Variants in PCDHGA8 observed in about 807,000 individuals in gnomAD.
The protein encoded by PCDHGA8 is protocadherin gamma-A8.
A neutral mutation model predicts 59.2 loss-of-function variants in PCDHGA8; 45 were observed. The observed-to-expected ratio is 0.76, with a 90% CI of 0.60 to 0.98. PCDHGA8 has a LOEUF of 0.98. Among genes scored for constraint, PCDHGA8 ranks in the 50% least tolerant of loss-of-function variants. The pLI is 0.00. For synonymous variants in PCDHGA8, 531 were observed against 519.0 expected (o/e 1.02, Z -0.32); for missense variants, 1,257 against 1,196.2 (o/e 1.05, Z -0.75).
chr5:141,427,126 C>T (rs1216633922), intron 1 of PCDHGA8: 1 of 457,282 alleles, frequency 2.2e-6, no homozygotes, highest in Non-Finnish European at 4.4e-6. Context: ...TCTTTCAAAT[C>T]CCTACGAGAT....
chr5:141,426,451 C>T (rs561567196), intron 1 of PCDHGA8: 1 of 308,946 alleles, frequency 3.2e-6, no homozygotes, highest in Non-Finnish European at 6.4e-6. Flanking sequence ...GGACATGCGG[C>T]TGCATGTTCA....
chr5:141,504,130 C>T (rs1334901812), intron 2 of PCDHGA8, among the ~76,000 whole-genome samples: 1 of 152,154 alleles, frequency 6.6e-6, no homozygotes, highest in African/African-American at 2.4e-5. Flanking sequence ...TGTTTCCCGC[C>T]AACACTCCCC....
chr5:141,409,055 G>T (rs141881204), intron 1 of PCDHGA8: 10 of 1,614,038 alleles, frequency 6.2e-6, no homozygotes, highest in Non-Finnish European at 8.5e-6. Flanking sequence ...CCGAAGCACT[G>T]CCCAGAGCAC....
At chr5:141,414,861 T>C in intron 1 of PCDHGA8, 1 of 1,614,118 alleles carries the variant, frequency 6.2e-7, no homozygotes, top group Admixed American at 1.7e-5. Context: ...AGAACGACAA[T>C]GCGCCCGAGA....
intron 2 of PCDHGA8, among the ~76,000 whole-genome samples, chr5:141,497,158 T>A (rs2099774560): frequency 6.6e-6 from 1 of 151,860 alleles, no homozygotes; most frequent in African/African-American, 2.4e-5. Flanking sequence ...AAAAATAATC[T>A]AGCCACAAAT....
intron 1 of PCDHGA8, among the ~76,000 whole-genome samples, chr5:141,456,303 G>A (rs941370138): frequency 6.6e-6 from 1 of 152,156 alleles, no homozygotes; most frequent in Non-Finnish European, 1.5e-5. Flanking sequence ...ATGGAGAACA[G>A]CAGCTAGGGC....
intron 1 of PCDHGA8, among the ~76,000 whole-genome samples, chr5:141,444,256 C>T (rs1445343718): frequency 2.1e-5 from 3 of 146,298 alleles, no homozygotes; most frequent in African/African-American, 5.1e-5. Context: ...ACTGCAACCT[C>T]CGCCTCCCAG....
intron 1 of PCDHGA8, chr5:141,468,330 C>CAAAAAA (rs533390277): frequency 1.3e-5 from 1 of 79,878 alleles, no homozygotes. Context: ...AACTCCATCT[C>CAAAAAA]AAAAAAAAAA....
intron 1 of PCDHGA8, chr5:141,422,068 T>C (rs1340696188): frequency 2.5e-6 from 4 of 1,612,076 alleles, no homozygotes; most frequent in Non-Finnish European, 3.4e-6. Flanking sequence ...AGTAATGTAT[T>C]CATTTCGGAA....
At chr5:141,398,075 A>T in intron 1 of PCDHGA8, 1 of 1,592,106 alleles carries the variant, frequency 6.3e-7, no homozygotes, top group Non-Finnish European at 8.6e-7. Flanking sequence ...TACAGAGGTT[A>T]TTTGTAACCT....
rs200790843 is a variant in PCDHGA8 at position 141,432,196 on chromosome 5, C to A, written c.2424+36959C>A. ...TCGTCTCTGTGACCGCCCACGACCCCGACTGTGAAGAGAACGCCCAGATCA... is the reference window on the plus strand; with the variant it reads ...TCGTCTCTGTGACCGCCCACGACCCAGACTGTGAAGAGAACGCCCAGATCA... On this transcript the variant is annotated intron_variant, in intron 1 of 3. Coordinates refer to ENST00000398604, the MANE Select transcript of PCDHGA8 (RefSeq NM_032088.2). This position sits in a 1 kb window ranked among gnomAD's most constrained non-coding sequence, Gnocchi z 6.0. The A allele has an allele frequency of 6.2e-7, 1 of 1,614,192 alleles. No homozygotes were observed.
intron 3 of PCDHGA8, chr5:141,508,179 AG>A (rs1250335236): frequency 1.3e-5 from 2 of 152,326 alleles, no homozygotes; most frequent in Non-Finnish European, 2.9e-5. Flanking sequence ...ACAGGAGAGA[AG>A]GCATCACCCC....
At chr5:141,414,646 A>G in intron 1 of PCDHGA8, 2 of 1,613,928 alleles carry the variant, frequency 1.2e-6, no homozygotes, top group Non-Finnish European at 1.7e-6. Context: ...GAATGCCCAG[A>G]TTATTTACTC....
intron 1 of PCDHGA8, among the ~76,000 whole-genome samples, chr5:141,469,909 C>G (rs760329158): frequency 2.0e-5 from 3 of 152,120 alleles, no homozygotes; most frequent in Non-Finnish European, 2.9e-5. Context: ...GGCAGGCAGA[C>G]CACCCGAGGT....
chr5:141,481,762 G>A (rs1378950651), intron 1 of PCDHGA8, among the ~76,000 whole-genome samples: 3 of 152,126 alleles, frequency 2.0e-5, no homozygotes, highest in African/African-American at 2.4e-5. Flanking sequence ...GACCAGCCTG[G>A]CCAACATGGT....
intron 1 of PCDHGA8, among the ~76,000 whole-genome samples, chr5:141,443,876 G>C (rs2098409251): frequency 6.6e-6 from 1 of 152,152 alleles, no homozygotes; most frequent in South Asian, 2.1e-4. Flanking sequence ...TTACTGATAA[G>C]TCAAGAGAAA....
chr5:141,426,711 G>C, intron 1 of PCDHGA8: 1 of 444,496 alleles, frequency 2.2e-6, no homozygotes, highest in Non-Finnish European at 4.6e-6. Flanking sequence ...ACAAATCAAT[G>C]AACTAGCAAT....
intron 1 of PCDHGA8, among the ~76,000 whole-genome samples, chr5:141,449,177 G>T (rs2098631167): frequency 6.6e-6 from 1 of 152,028 alleles, no homozygotes. Flanking sequence ...AATTTTCTTA[G>T]GTATTTTCAC....
At chr5:141,478,173 A>G (rs1397071220) in intron 1 of PCDHGA8, 1 of 1,613,986 alleles carries the variant, frequency 6.2e-7, no homozygotes, top group Non-Finnish European at 8.5e-7. Flanking sequence ...CCCCGGGAGC[A>G]GAAAAAAAAT....
Sources: gnomAD v4.1 joint callset for allele counts (sites outside exome capture counted in the v4.1 genomes callset) on GRCh38, gnomAD v4.1.1 for gene constraint, Gnocchi (gnomAD v3.1) non-coding constraint, MANE v1.5 for transcripts, NCBI Gene and HGNC (gene_info 2026-07-23, HGNC 2026-07-21) for gene names.